PLEKHA7: variants seen among roughly 807,000 people sequenced by gnomAD.
The protein encoded by PLEKHA7 is pleckstrin homology domain containing A7.
Under a neutral mutation model 170.0 loss-of-function variants are expected in PLEKHA7, and 104 were observed. The ratio of observed to expected loss-of-function variants is 0.61; its 90% CI spans 0.52 to 0.72. The LOEUF is 0.72. Ranked by LOEUF, PLEKHA7 falls within the 30% of genes least tolerant of loss-of-function variation. PLEKHA7 has a pLI of 0.00. For missense variants in PLEKHA7, 1,615 were observed against 1,671.7 expected (o/e 0.97, Z 0.59); for synonymous variants, 648 against 660.8 (o/e 0.98, Z 0.30).
chr11:16,807,576 A>G (rs994691839), intron 13 of PLEKHA7, among the ~76,000 whole-genome samples: 1 of 152,044 alleles, frequency 6.6e-6, no homozygotes, highest in Non-Finnish European at 1.5e-5. Flanking sequence ...GATAGAAGGG[A>G]ACTTGCTTCT....
In PLEKHA7 at chr11:16,858,471, G is replaced by T. The variant is rs190505128; in HGVS notation, c.306-2557C>A. On this transcript the variant is annotated intron_variant, in intron 4 of 26. Transcript: ENST00000531066. ...ACAAATAGCTACTTTTGCCATTTTT[G>T]CACCTTGCAATCTTTAACAAATTTT... Among the ~76,000 whole-genome samples, 598 of 151,928 alleles carry T rather than the reference G, an allele frequency of 3.9e-3. 3 individuals are homozygous for T. Among genetic ancestry groups the T allele is most frequent in the African/African-American group, 0.013 (557 of 41,446 alleles).
At chr11:16,935,563 A>G (rs1022547014) in intron 3 of PLEKHA7, among the ~76,000 whole-genome samples, 1 of 152,220 alleles carries the variant, frequency 6.6e-6, no homozygotes, top group Non-Finnish European at 1.5e-5. Context: ...TGGAAACACA[A>G]CTTTGGAGAC....
intron 10 of PLEKHA7, among the ~76,000 whole-genome samples, chr11:16,819,557 T>C (rs1437016604): frequency 6.6e-6 from 1 of 152,250 alleles, no homozygotes; most frequent in Non-Finnish European, 1.5e-5. Flanking sequence ...ATCAATTTTA[T>C]CTAACATTTA....
At chr11:16,959,484 C>T (rs890182329) in intron 3 of PLEKHA7, among the ~76,000 whole-genome samples, 2 of 152,200 alleles carry the variant, frequency 1.3e-5, no homozygotes, top group African/African-American at 4.8e-5. Flanking sequence ...AATGTGCCTA[C>T]ATGCTTGGAT....
intron 3 of PLEKHA7, among the ~76,000 whole-genome samples, chr11:16,888,832 G>T (rs1856384404): frequency 7.3e-6 from 1 of 137,686 alleles, no homozygotes; most frequent in South Asian, 2.3e-4. Flanking sequence ...AAACACCCAA[G>T]AATGATCAAT....
At position 17,013,982 on chromosome 11, in the gene PLEKHA7, C is replaced by T. The variant is rs766228527; in HGVS notation, c.221+7G>A. The T allele has an allele frequency of 3.9e-6, 6 of 1,540,726 alleles. No homozygotes were observed. In the South Asian group the frequency reaches 4.8e-5, roughly 12 times the overall value. On this transcript the variant is annotated splice_region_variant and intron_variant, in intron 3 of 26. Coordinates refer to ENST00000531066, the MANE Select transcript of PLEKHA7 (RefSeq NM_001329630.2). The stretch of plus-strand genomic sequence containing the variant: ...CAGGTGCGAGCGCGGCGGCCCCACT[C>T]ACTCACTCGATGAAGTAGCTGGCGC...
chr11:16,844,456 T>C (rs387729), intron 8 of PLEKHA7, among the ~76,000 whole-genome samples: 101,459 of 152,016 alleles, frequency 0.67, 34,130 homozygotes, highest in East Asian at 0.87. Flanking sequence ...CAGGGAGTTT[T>C]CTTTTCATCT....
chr11:16,891,718 C>A (rs1041755661), intron 3 of PLEKHA7, among the ~76,000 whole-genome samples: 2 of 152,080 alleles, frequency 1.3e-5, no homozygotes, highest in African/African-American at 4.8e-5. Context: ...AGACTCCACC[C>A]AATTATGTGT....
chr11:16,917,715 T>C (rs1230227827), intron 3 of PLEKHA7, among the ~76,000 whole-genome samples: 1 of 152,230 alleles, frequency 6.6e-6, no homozygotes, highest in Non-Finnish European at 1.5e-5. Context: ...CCTTTTCCCA[T>C]ATAAGGTAAC....
intron 3 of PLEKHA7, among the ~76,000 whole-genome samples, chr11:17,009,540 A>G (rs1865201306): frequency 6.6e-6 from 1 of 152,324 alleles, no homozygotes; most frequent in East Asian, 1.9e-4. Context: ...TCTGTTAATG[A>G]CACTATTATC....
At chr11:16,884,400 A>C (rs939033132) in intron 3 of PLEKHA7, among the ~76,000 whole-genome samples, 2 of 152,238 alleles carry the variant, frequency 1.3e-5, no homozygotes, top group African/African-American at 2.4e-5. Flanking sequence ...TGGGAGGCCA[A>C]GGCAGGCAGA....
chr11:16,888,400 AC>A (rs1856338113), intron 3 of PLEKHA7, among the ~76,000 whole-genome samples: 3 of 147,532 alleles, frequency 2.0e-5, no homozygotes, highest in Non-Finnish European at 2.9e-5. Context: ...TGTTGAGTAG[AC>A]GGGGGGGAAA....
chr11:16,790,839 A>AGTCCTAGGGAGGGCTGGGCCAT lies in PLEKHA7; in HGVS notation c.2989_3010dup (p.Leu1004HisfsTer12). 6.2e-7 allele frequency: 1 copy of AGTCCTAGGGAGGGCTGGGCCAT among 1,609,898 alleles called. No individual in the cohort carries two copies. Among genetic ancestry groups the AGTCCTAGGGAGGGCTGGGCCAT allele is most frequent in the Non-Finnish European group, 8.5e-7 (1 of 1,178,294 alleles). On this transcript the variant is annotated frameshift_variant, in exon 21 of 27. Transcript: ENST00000531066. LOFTEE classifies it high-confidence loss of function. ...CTGGTACCTGCTCTCAGGGCCCACA[A>AGTCCTAGGGAGGGCTGGGCCAT]GTCCTAGGGAGGGCTGGGCCATGTC... is the stretch of plus-strand genomic sequence containing the variant.
intron 3 of PLEKHA7, among the ~76,000 whole-genome samples, chr11:16,884,293 T>C (rs1479726646): frequency 6.6e-6 from 1 of 152,164 alleles, no homozygotes; most frequent in Non-Finnish European, 1.5e-5. Flanking sequence ...GCTACTCAGA[T>C]TGTAAAAAAT....
intron 17 of PLEKHA7, among the ~76,000 whole-genome samples, chr11:16,800,635 A>G (rs1423892697): frequency 6.6e-6 from 1 of 152,242 alleles, no homozygotes; most frequent in Admixed American, 6.5e-5. Context: ...TAGCAGCCTA[A>G]GATGGGGCCA....
At chr11:16,900,386 T>C (rs957543193) in intron 3 of PLEKHA7, among the ~76,000 whole-genome samples, 4 of 152,226 alleles carry the variant, frequency 2.6e-5, no homozygotes, top group African/African-American at 9.6e-5. Context: ...GAGTGAATTT[T>C]CATTCTGTTA....
At chr11:16,838,445 C>G (rs1371954313) in intron 9 of PLEKHA7, among the ~76,000 whole-genome samples, 1 of 149,256 alleles carries the variant, frequency 6.7e-6, no homozygotes. Flanking sequence ...CCCAGGAGTT[C>G]GAGGCTGCAG....
chr11:16,825,913 C>T (rs567817429), intron 10 of PLEKHA7, among the ~76,000 whole-genome samples: 4 of 152,212 alleles, frequency 2.6e-5, no homozygotes, highest in Non-Finnish European at 2.9e-5. Flanking sequence ...GTGCTGTGGG[C>T]AGGTTCCTTC....
intron 3 of PLEKHA7, among the ~76,000 whole-genome samples, chr11:17,004,553 C>A (rs1011135313): frequency 6.6e-6 from 1 of 152,010 alleles, no homozygotes; most frequent in Non-Finnish European, 1.5e-5. Context: ...CCACCATACC[C>A]AGCTAATTTT....
Sources: gnomAD v4.1 joint callset for allele counts (sites outside exome capture counted in the v4.1 genomes callset) on GRCh38, gnomAD v4.1.1 for gene constraint, MANE v1.5 for transcripts, NCBI Gene and HGNC (gene_info 2026-07-23, HGNC 2026-07-21) for gene names.